PLCB4: variants seen among roughly 807,000 people sequenced by gnomAD.
The protein encoded by PLCB4 is 1-phosphatidylinositol 4,5-bisphosphate phosphodiesterase beta-4.
In PLCB4, 77 loss-of-function variants were observed where a neutral mutation model predicts 178.8. That is an observed-to-expected ratio of 0.43 (90% CI 0.36 to 0.52). PLCB4 has a LOEUF of 0.52. Among genes scored for constraint, PLCB4 ranks in the 20% least tolerant of loss-of-function variants. PLCB4 has a pLI of 0.00. For synonymous variants in PLCB4, 496 were observed against 490.8 expected (o/e 1.01, Z -0.14); for missense variants, 1,024 against 1,453.4 (o/e 0.70, Z 4.80).
intron 36 of PLCB4, 87 bp downstream of exon 36, chr20:9,468,759 A>ACAC: frequency 2.9e-6 from 2 of 699,780 alleles, no homozygotes; most frequent in Non-Finnish European, 5.0e-6. Flanking sequence ...ACACACACAC[A>ACAC]ACTGAGACAG....
intron 2 of PLCB4, among the ~76,000 whole-genome samples, chr20:9,208,659 C>T (rs1180591251): frequency 6.6e-6 from 1 of 152,100 alleles, no homozygotes; most frequent in African/African-American, 2.4e-5. Flanking sequence ...CCCACCTCAG[C>T]TTCCTAAGTA....
At chr20:9,363,119 C>T in intron 8 of PLCB4, 144 bp downstream of exon 8, 1 of 675,682 alleles carries the variant, frequency 1.5e-6, no homozygotes. Flanking sequence ...GACCAACACA[C>T]ACCTGTACTC....
At chr20:9,280,618 T>A in intron 3 of PLCB4, 1 of 183,698 alleles carries the variant, frequency 5.4e-6, no homozygotes, top group Non-Finnish European at 1.0e-5. Context: ...GCCAAACACC[T>A]ATGTTTGTGA....
At chr20:9,341,977 TAA>T (rs2033258272) in intron 7 of PLCB4, among the ~76,000 whole-genome samples, 1 of 152,144 alleles carries the variant, frequency 6.6e-6, no homozygotes, top group Non-Finnish European at 1.5e-5. Flanking sequence ...AATATATAAA[TAA>T]ATATAAATCT....
Position 9,401,448 on chromosome 20 carries a change from A to C in PLCB4, c.1511-42A>C, listed in dbSNP as rs774956834. On this transcript the variant is annotated intron_variant, in intron 19 of 39. Transcript: ENST00000378473. ...TGTGAACAAGGTCTGACTACTTGGC[A>C]GTGGTTTGGTGTCATGGATTTTCCA... The C allele has an allele frequency of 7.6e-6, 10 of 1,316,424 alleles. No homozygotes were observed. In the Admixed American group the frequency reaches 8.5e-5, roughly 11 times the overall value. 81.5% of individuals were successfully genotyped at this position (1,316,424 alleles called of 1,614,324 possible).
intron 3 of PLCB4, among the ~76,000 whole-genome samples, chr20:9,275,468 G>A (rs562355960): frequency 2.0e-5 from 3 of 152,128 alleles, no homozygotes; most frequent in Admixed American, 1.3e-4. Flanking sequence ...GAAACAAGTG[G>A]CATATTATCA....
chr20:9,071,965 T>A (rs1465927102), intron 1 of PLCB4, among the ~76,000 whole-genome samples: 2 of 152,216 alleles, frequency 1.3e-5, no homozygotes, highest in African/African-American at 2.4e-5. Context: ...ACTTCTGTAT[T>A]TGATATGCAA....
intron 2 of PLCB4, among the ~76,000 whole-genome samples, chr20:9,139,871 C>T (rs1416480713): frequency 6.6e-6 from 1 of 152,088 alleles, no homozygotes; most frequent in Non-Finnish European, 1.5e-5. Flanking sequence ...ACCATCCAGT[C>T]ACCTGTGGTT....
At chr20:9,231,630 G>A (rs2093933869) in intron 3 of PLCB4, among the ~76,000 whole-genome samples, 1 of 152,130 alleles carries the variant, frequency 6.6e-6, no homozygotes, top group Non-Finnish European at 1.5e-5. Context: ...GCATTTTATA[G>A]GGCAGAGAGA....
chr20:9,207,475 T>C, intron 2 of PLCB4, among the ~76,000 whole-genome samples: 1 of 152,154 alleles, frequency 6.6e-6, no homozygotes, highest in East Asian at 1.9e-4. Context: ...AATGTCAAGA[T>C]TTAGTATTGT....
chr20:9,234,166 T>C (rs1197358651), intron 3 of PLCB4, among the ~76,000 whole-genome samples: 1 of 152,022 alleles, frequency 6.6e-6, no homozygotes, highest in Non-Finnish European at 1.5e-5. Flanking sequence ...GATTGAACAA[T>C]AGGTAGGAAA....
chr20:9,215,688 G>T (rs991260587), intron 2 of PLCB4, among the ~76,000 whole-genome samples: 1 of 152,140 alleles, frequency 6.6e-6, no homozygotes, highest in Non-Finnish European at 1.5e-5. Flanking sequence ...ATGGTTAAAT[G>T]TTAGGTTAAA....
intron 3 of PLCB4, among the ~76,000 whole-genome samples, chr20:9,305,043 C>A (rs377008869): frequency 2.7e-4 from 32 of 117,996 alleles, no homozygotes; most frequent in Admixed American, 4.3e-4. Flanking sequence ...CCCCCTCCCC[C>A]CAACATCCCT....
chr20:9,443,078 C>G (rs1239713836), intron 30 of PLCB4, among the ~76,000 whole-genome samples: 11 of 152,166 alleles, frequency 7.2e-5, no homozygotes, highest in Non-Finnish European at 1.5e-5. Context: ...GTTGCCATGA[C>G]AACACCTGGC....
Position 9,077,187 on chromosome 20 carries a change from C to T in PLCB4, c.-135+7981C>T, listed in dbSNP as rs114181536. The stretch of plus-strand genomic sequence containing the variant: ...TAACATTGCATAAAATTTGATAGTA[C>T]GGATGTACTGTACTTTATTTAACCA... On this transcript the variant is annotated intron_variant, in intron 1 of 39. Coordinates refer to ENST00000378473, the MANE Select transcript of PLCB4 (RefSeq NM_001377142.1). Among the ~76,000 whole-genome samples the T allele has an allele frequency of 4.8e-3, 732 of 152,198 alleles. 6 individuals carry two copies. Among genetic ancestry groups the T allele is most frequent in the African/African-American group, 0.016 (676 of 41,526 alleles).
At chr20:9,327,111 T>G (rs1426818087) in intron 4 of PLCB4, among the ~76,000 whole-genome samples, 1 of 151,966 alleles carries the variant, frequency 6.6e-6, no homozygotes, top group Non-Finnish European at 1.5e-5. Flanking sequence ...ACTAGCAACA[T>G]TATAATGATT....
At chr20:9,269,772 G>C (rs1455551148) in intron 3 of PLCB4, among the ~76,000 whole-genome samples, 1 of 152,184 alleles carries the variant, frequency 6.6e-6, no homozygotes, top group African/African-American at 2.4e-5. Context: ...GCTGGTGAAT[G>C]ATGAGGAATG....
chr20:9,265,078 A>G (rs2094335540), intron 3 of PLCB4, among the ~76,000 whole-genome samples: 1 of 152,208 alleles, frequency 6.6e-6, no homozygotes, highest in East Asian at 1.9e-4. Context: ...CCACATTTAG[A>G]AACCCTTTCT....
At chr20:9,132,143 A>G (rs6039395) in intron 2 of PLCB4, among the ~76,000 whole-genome samples, 32 of 152,328 alleles carry the variant, frequency 2.1e-4, no homozygotes, top group African/African-American at 7.5e-4. Context: ...TTACAAAGCA[A>G]TAGATAACTA....
Sources: allele counts gnomAD v4.1 joint callset (sites outside exome capture counted in the v4.1 genomes callset), GRCh38; gene constraint gnomAD v4.1.1; transcripts MANE v1.5; gene names NCBI Gene and HGNC (gene_info 2026-07-23, HGNC 2026-07-21).